Variants in IGF1R observed in about 807,000 individuals in gnomAD.
IGF1R encodes the protein insulin like growth factor 1 receptor, also known as insulin-like growth factor 1 receptor.
A neutral mutation model predicts 144.6 loss-of-function variants in IGF1R; 44 were observed. That is an observed-to-expected ratio of 0.30 (90% CI 0.24 to 0.39). The LOEUF is 0.39. Ranked by LOEUF, IGF1R falls within the 10% of genes least tolerant of loss-of-function variation. The pLI is 1.00. For missense variants in IGF1R, 1,355 were observed against 1,833.7 expected (o/e 0.74, Z 4.77); for synonymous variants, 795 against 722.8 (o/e 1.10, Z -1.60).
At chr15:98,682,746 C>T (rs2053224244) in intron 1 of IGF1R, among the ~76,000 whole-genome samples, 1 of 151,902 alleles carries the variant, frequency 6.6e-6, no homozygotes, top group Admixed American at 6.6e-5. Context: ...TGGGGTTTCA[C>T]CATGTTGGCC....
At chr15:98,765,969 T>C (rs987550306) in intron 2 of IGF1R, among the ~76,000 whole-genome samples, 1 of 152,148 alleles carries the variant, frequency 6.6e-6, no homozygotes, top group Non-Finnish European at 1.5e-5. Context: ...TTCTGTGCAG[T>C]GGCAGTGGTG....
intron 2 of IGF1R, among the ~76,000 whole-genome samples, chr15:98,714,967 G>T (rs2054080235): frequency 1.3e-5 from 2 of 152,248 alleles, no homozygotes; most frequent in African/African-American, 4.8e-5. Context: ...TCTTGGGAGG[G>T]GCTTGTGGAC....
Position 98,957,771 on chromosome 15 carries a change from C to G in IGF1R, c.*329C>G, listed in dbSNP as rs1596494979. 2.5e-6 allele frequency: 1 copy of G among 405,594 alleles called. No individual in the cohort carries two copies. The highest frequency in any genetic ancestry group is 4.5e-6 in the Non-Finnish European group (1 of 223,972). The allele number at this position is 405,594 out of a possible 1,614,324, so 25.1% of individuals were successfully genotyped here. The stretch of plus-strand genomic sequence containing the variant: ...CCCTGTCCTTCCCTGTTCTCCCTTT[C>G]TCTCTCCTCTCTGCTTCATAACGGA... On this transcript the variant is annotated 3_prime_UTR_variant, in exon 21 of 21. Coordinates refer to ENST00000650285, the MANE Select transcript of IGF1R (RefSeq NM_000875.5).
At chr15:98,650,070 G>T (rs2052314176) in intron 1 of IGF1R, among the ~76,000 whole-genome samples, 1 of 146,616 alleles carries the variant, frequency 6.8e-6, no homozygotes, top group Admixed American at 6.7e-5. Flanking sequence ...ACACAGCGCT[G>T]ATCCCCTGCG....
intron 2 of IGF1R, among the ~76,000 whole-genome samples, chr15:98,822,015 T>A (rs1442279700): frequency 6.6e-6 from 1 of 152,236 alleles, no homozygotes; most frequent in Non-Finnish European, 1.5e-5. Context: ...CAATATGAGC[T>A]ACTCTGTAAA....
At chr15:98,816,280 A>C (rs549953127) in intron 2 of IGF1R, among the ~76,000 whole-genome samples, 1 of 152,324 alleles carries the variant, frequency 6.6e-6, no homozygotes, top group African/African-American at 2.4e-5. Context: ...TCTGCCCAGT[A>C]CCTTGTGCAT....
intron 2 of IGF1R, among the ~76,000 whole-genome samples, chr15:98,797,090 G>A (rs115357792): frequency 0.011 from 1,684 of 152,360 alleles, 29 homozygotes; most frequent in African/African-American, 0.038. Flanking sequence ...AGAGTTCTGT[G>A]TACACAGAGT....
At chr15:98,677,333 T>C (rs968581613) in intron 1 of IGF1R, among the ~76,000 whole-genome samples, 2 of 152,242 alleles carry the variant, frequency 1.3e-5, no homozygotes, top group Non-Finnish European at 2.9e-5. Context: ...TGATTGCTCT[T>C]ATTCGTTATA....
chr15:98,735,702 A>G (rs564204385), intron 2 of IGF1R, among the ~76,000 whole-genome samples: 44 of 152,384 alleles, frequency 2.9e-4, no homozygotes, highest in African/African-American at 1.0e-3. Flanking sequence ...ACAGGGTTGC[A>G]GAAATATATT....
chr15:98,872,748 T>G (rs573600861), intron 2 of IGF1R, among the ~76,000 whole-genome samples: 1 of 152,266 alleles, frequency 6.6e-6, no homozygotes, highest in East Asian at 1.9e-4. Flanking sequence ...TGTTCTTGCA[T>G]GGGCACAGCC....
intron 1 of IGF1R, among the ~76,000 whole-genome samples, chr15:98,705,988 C>T (rs1031937881): frequency 9.9e-5 from 15 of 152,202 alleles, no homozygotes; most frequent in Admixed American, 5.9e-4. Flanking sequence ...GGATATTTAC[C>T]GAGCTTTAAA....
intron 5 of IGF1R, among the ~76,000 whole-genome samples, chr15:98,907,810 C>T (rs1463963098): frequency 1.3e-5 from 2 of 152,222 alleles, no homozygotes; most frequent in African/African-American, 2.4e-5. Flanking sequence ...GCAGAAGCCA[C>T]GTCTGGTTTG....
chr15:98,828,082 T>G (rs2056928672), intron 2 of IGF1R, among the ~76,000 whole-genome samples: 1 of 152,230 alleles, frequency 6.6e-6, no homozygotes, highest in South Asian at 2.1e-4. Context: ...AGATTCCCGC[T>G]GGGGGCATTC....
intron 2 of IGF1R, among the ~76,000 whole-genome samples, chr15:98,846,537 G>C (rs1170539441): frequency 6.6e-6 from 1 of 152,194 alleles, no homozygotes; most frequent in Middle Eastern, 3.2e-3. Flanking sequence ...CAAGTTGGGT[G>C]ACTTCGGGAT....
intron 20 of IGF1R, chr15:98,953,134 G>A (rs1039813113): frequency 6.6e-6 from 1 of 152,238 alleles, no homozygotes; most frequent in African/African-American, 2.4e-5. Flanking sequence ...TGAGTTGTGT[G>A]GTTCTGAGAT....
intron 15 of IGF1R, 64 bp from the exon 16 acceptor site, chr15:98,934,760 C>T: frequency 7.0e-7 from 1 of 1,423,208 alleles, no homozygotes; most frequent in South Asian, 1.2e-5. Flanking sequence ...TTAGAGTTCC[C>T]CCAAAGCACG....
At chr15:98,883,278 T>C (rs976440369) in intron 2 of IGF1R, among the ~76,000 whole-genome samples, 1 of 152,256 alleles carries the variant, frequency 6.6e-6, no homozygotes, top group African/African-American at 2.4e-5. Flanking sequence ...AAACTCTTCC[T>C]GGAATCTCTA....
intron 2 of IGF1R, among the ~76,000 whole-genome samples, chr15:98,809,966 A>T (rs949374540): frequency 6.6e-6 from 1 of 152,216 alleles, no homozygotes; most frequent in Admixed American, 6.5e-5. Context: ...CTCAGTAGAG[A>T]CAGCAAACTG....
chr15:98,839,178 C>T (rs997666505), intron 2 of IGF1R, among the ~76,000 whole-genome samples: 2 of 152,218 alleles, frequency 1.3e-5, no homozygotes, highest in African/African-American at 4.8e-5. Flanking sequence ...TAAACACTTG[C>T]CATATACTCA....
Sources: allele counts gnomAD v4.1 joint callset (sites outside exome capture counted in the v4.1 genomes callset), GRCh38; gene constraint gnomAD v4.1.1; transcripts MANE v1.5; gene names NCBI Gene and HGNC (gene_info 2026-07-23, HGNC 2026-07-21).